Variants in LYPD6 observed in about 807,000 individuals in gnomAD.
LYPD6 encodes LY6/PLAUR domain containing 6, also known as ly6/PLAUR domain-containing protein 6.
Under a neutral mutation model 22.7 loss-of-function variants are expected in LYPD6, and 15 were observed. The observed-to-expected ratio is 0.66, with a 90% confidence interval of 0.44 to 1.02. LYPD6 has a LOEUF of 1.02. Ranked by LOEUF, LYPD6 falls within the 50% of genes least tolerant of loss-of-function variation. LYPD6 has a pLI of 0.00. For synonymous variants in LYPD6, 72 were observed against 77.5 expected (o/e 0.93, Z 0.37); for missense variants, 189 against 208.4 (o/e 0.91, Z 0.57).
downstream of LYPD6, among the ~76,000 whole-genome samples, chr2:149,476,002 G>T (rs1681445265): frequency 6.6e-6 from 1 of 152,136 alleles, no homozygotes; most frequent in African/African-American, 2.4e-5. Flanking sequence ...AGGTCACAAA[G>T]TTAGAGTGAG....
At chr2:149,368,961 G>A (rs549515114) in intron 1 of LYPD6, among the ~76,000 whole-genome samples, 1 of 152,166 alleles carries the variant, frequency 6.6e-6, no homozygotes, top group South Asian at 2.1e-4. Flanking sequence ...GTTTAGTTTT[G>A]GAATTATTAA....
At chr2:149,370,986 T>A (rs530818408) in intron 1 of LYPD6, among the ~76,000 whole-genome samples, 227 of 152,340 alleles carry the variant, frequency 1.5e-3, no homozygotes, top group Non-Finnish European at 2.7e-3. Context: ...ACGTAGCTAA[T>A]GACAACTGTA....
chr2:149,337,963 T>C (rs1681070146), intron 1 of LYPD6, among the ~76,000 whole-genome samples: 7 of 152,130 alleles, frequency 4.6e-5, no homozygotes, highest in Admixed American at 4.6e-4. Context: ...GTACGTGATC[T>C]CATTTTTATG....
At chr2:149,343,849 G>A (rs547556497) in intron 1 of LYPD6, among the ~76,000 whole-genome samples, 8 of 152,048 alleles carry the variant, frequency 5.3e-5, no homozygotes, top group African/African-American at 1.9e-4. Flanking sequence ...ACTTCCAAAG[G>A]AGGACCTGTA....
chr2:149,468,657 G>A lies in LYPD6; in HGVS notation c.230G>A (p.Cys77Tyr), dbSNP rs1681260641. 6.2e-7 allele frequency: 1 copy of A among 1,613,164 alleles called. No individual in the cohort carries two copies. The highest frequency in any genetic ancestry group is 1.7e-5 in the Admixed American group (1 of 59,962). The change falls in exon 4 of 5, where the codon TGC (cysteine) becomes TAC (tyrosine). Residue 77 changes from cysteine (C) to tyrosine (Y), a missense_variant. Coordinates refer to ENST00000334166, the MANE Select transcript of LYPD6 (RefSeq NM_194317.5). The part of the protein sequence containing the change: ...DIYCPRETRY[C>Y]YTQHTMEVTG... ...TCTCTGTTGACAGAGACCAGATACT[G>A]CTACACTCAGCACACAATGGAAGTC... is the stretch of plus-strand genomic sequence containing the variant.
At chr2:149,447,479 C>A (rs975860018) in intron 2 of LYPD6, among the ~76,000 whole-genome samples, 1 of 152,214 alleles carries the variant, frequency 6.6e-6, no homozygotes, top group Non-Finnish European at 1.5e-5. Context: ...CCACATCCCC[C>A]CAGCATCTAG....
chr2:149,398,226 AT>A (rs1248459880), intron 1 of LYPD6, among the ~76,000 whole-genome samples: 1 of 151,920 alleles, frequency 6.6e-6, no homozygotes, highest in African/African-American at 2.4e-5. Flanking sequence ...AAAAGCAGGG[AT>A]TTTTTTCTCT....
chr2:149,396,380 T>C (rs1682429924), intron 1 of LYPD6, among the ~76,000 whole-genome samples: 1 of 152,106 alleles, frequency 6.6e-6, no homozygotes, highest in South Asian at 2.1e-4. Context: ...CTTCCCCTTC[T>C]GCCTGCAGCC....
chr2:149,345,083 G>A (rs1484954631), intron 1 of LYPD6, among the ~76,000 whole-genome samples: 1 of 151,834 alleles, frequency 6.6e-6, no homozygotes, highest in Non-Finnish European at 1.5e-5. Flanking sequence ...AGAGAGTAAG[G>A]ATTCTCACTG....
intron 1 of LYPD6, among the ~76,000 whole-genome samples, chr2:149,339,672 T>C (rs185521276): frequency 3.9e-5 from 6 of 152,284 alleles, no homozygotes; most frequent in Admixed American, 3.9e-4. Flanking sequence ...AATACATCTG[T>C]TGATATCTGA....
intron 1 of LYPD6, among the ~76,000 whole-genome samples, chr2:149,380,601 A>G (rs1007915689): frequency 2.6e-5 from 4 of 152,202 alleles, no homozygotes; most frequent in African/African-American, 9.7e-5. Context: ...TTGGAGACTG[A>G]CCAGTTATTC....
chr2:149,389,024 G>T (rs982872734), intron 1 of LYPD6, among the ~76,000 whole-genome samples: 10 of 152,072 alleles, frequency 6.6e-5, no homozygotes, highest in Non-Finnish European at 1.2e-4. Context: ...TGTGGGCATT[G>T]TCAGATCAGG....
chr2:149,363,495 C>T (rs1160412319), intron 1 of LYPD6, among the ~76,000 whole-genome samples: 1 of 152,148 alleles, frequency 6.6e-6, no homozygotes, highest in Non-Finnish European at 1.5e-5. Context: ...CCTGCTTAGT[C>T]ATGTTCTCAT....
the LYPD6 span, among the ~76,000 whole-genome samples, chr2:149,485,459 G>T: frequency 6.6e-6 from 1 of 152,206 alleles, no homozygotes; most frequent in Non-Finnish European, 1.5e-5. Flanking sequence ...GGAATGCTCT[G>T]TAAGTACTCA....
chr2:149,447,161 A>C (rs1165808070), intron 2 of LYPD6, among the ~76,000 whole-genome samples: 1 of 152,216 alleles, frequency 6.6e-6, no homozygotes, highest in Non-Finnish European at 1.5e-5. Flanking sequence ...AAATGATTAG[A>C]GCTAAGAAGC....
chr2:149,387,918 G>A (rs1559133963), intron 1 of LYPD6, among the ~76,000 whole-genome samples: 1 of 152,148 alleles, frequency 6.6e-6, no homozygotes, highest in African/African-American at 2.4e-5. Flanking sequence ...ATATGACCTT[G>A]GTGTTATACT....
At chr2:149,455,867 G>C (rs944045545) in intron 3 of LYPD6, among the ~76,000 whole-genome samples, 2 of 152,192 alleles carry the variant, frequency 1.3e-5, no homozygotes, top group Admixed American at 1.3e-4. Context: ...AGTTCCTCCA[G>C]TGAGAGGTTC....
At chr2:149,351,355 C>A (rs915558458) in intron 1 of LYPD6, among the ~76,000 whole-genome samples, 1 of 140,362 alleles carries the variant, frequency 7.1e-6, no homozygotes, top group African/African-American at 2.6e-5. Flanking sequence ...GATCATGCCA[C>A]TGCACTCCAG....
intron 1 of LYPD6, among the ~76,000 whole-genome samples, chr2:149,399,827 A>G (rs774668275): frequency 1.3e-5 from 2 of 152,128 alleles, no homozygotes; most frequent in Non-Finnish European, 2.9e-5. Context: ...GAAGAACAGA[A>G]TCCTTCATAA....
Sources: allele counts gnomAD v4.1 joint callset (sites outside exome capture counted in the v4.1 genomes callset), GRCh38; gene constraint gnomAD v4.1.1; transcripts MANE v1.5; gene names NCBI Gene and HGNC (gene_info 2026-07-23, HGNC 2026-07-21).